The following ECM2 variants were observed in gnomAD, a reference collection of about 807,000 sequenced individuals.
ECM2 encodes extracellular matrix protein 2, female organ and adipocyte specific.
A neutral mutation model predicts 67.5 loss-of-function variants in ECM2; 57 were observed. That is an observed-to-expected ratio of 0.84 (90% confidence interval 0.68 to 1.05). The LOEUF is 1.05. ECM2 is among the 50% of genes least tolerant of loss of function. ECM2 has a pLI of 0.00. For missense variants in ECM2, 741 were observed against 822.8 expected (o/e 0.90, Z 1.22); for synonymous variants, 258 against 294.5 (o/e 0.88, Z 1.27).
the ECM2 span, among the ~76,000 whole-genome samples, chr9:92,552,162 ATATATGTGATATGATAGAT>A: frequency 5.6e-3 from 771 of 138,304 alleles, 6 homozygotes; most frequent in South Asian, 0.018. Flanking sequence ...GATCTATCAT[ATATATGTGATATGATAGAT>A]CTATCATATA....
chr9:92,523,427 A>T (rs1014673661), intron 1 of ECM2, among the ~76,000 whole-genome samples: 2 of 152,106 alleles, frequency 1.3e-5, no homozygotes, highest in Non-Finnish European at 2.9e-5. Flanking sequence ...CCTCAACACC[A>T]CCCATAGGGT....
chr9:92,501,496 C>T (rs1846675307), intron 8 of ECM2, among the ~76,000 whole-genome samples: 1 of 152,184 alleles, frequency 6.6e-6, no homozygotes, highest in Non-Finnish European at 1.5e-5. Context: ...CCTTCCCCTA[C>T]ATTTTCATTC....
upstream of ECM2, chr9:92,538,919 T>TTA (rs1849251686): frequency 6.6e-6 from 1 of 152,164 alleles, no homozygotes; most frequent in African/African-American, 2.4e-5. Flanking sequence ...TTTTTCCTGA[T>TTA]TGTCTAGAGT....
the ECM2 span, among the ~76,000 whole-genome samples, chr9:92,547,586 C>T: frequency 3.9e-5 from 6 of 152,194 alleles, no homozygotes; most frequent in Non-Finnish European, 8.8e-5. Context: ...TGAATGATTT[C>T]ATTCGTATGA....
At chr9:92,558,290 G>C in the ECM2 span, among the ~76,000 whole-genome samples, 3 of 152,162 alleles carry the variant, frequency 2.0e-5, no homozygotes, top group Admixed American at 1.3e-4. Flanking sequence ...GGAAGGTCTA[G>C]GGCTGAAGGC....
chr9:92,536,287 T>A (rs1223695483), upstream of ECM2, among the ~76,000 whole-genome samples: 1 of 152,102 alleles, frequency 6.6e-6, no homozygotes, highest in Non-Finnish European at 1.5e-5. Context: ...GATTAAGAAA[T>A]CTGTGGTTTT....
intron 1 of ECM2, among the ~76,000 whole-genome samples, chr9:92,523,411 G>A (rs1443434430): frequency 6.6e-6 from 1 of 152,136 alleles, no homozygotes; most frequent in African/African-American, 2.4e-5. Context: ...ATATGTTGGG[G>A]ACCAGCCTCA....
rs139951554 is a variant in ECM2, at chr9:92,517,688, A to G, written c.480T>C (p.Thr160=). Residue 160 remains threonine (T), a splice_region_variant and synonymous_variant, in exon 3 of 10, where the codon ACT becomes ACC. Coordinates refer to ENST00000344604, the MANE Select transcript of ECM2 (RefSeq NM_001393.4). ...EGECCPVCSA[T]VSYSLLSGIA... ...TTTTGCTTAGCTAAATCTCTGTACC[A>G]GTAGCGGAGCAGACCGGGCAGCATT... 2,969 of 1,614,176 alleles carry G rather than the reference A, an allele frequency of 1.8e-3. 73 individuals carry two copies. In the South Asian group the frequency reaches 0.03, roughly 16 times the overall value.
chr9:92,524,780 A>G (rs1314201415), intron 1 of ECM2, among the ~76,000 whole-genome samples: 1 of 152,170 alleles, frequency 6.6e-6, no homozygotes, highest in African/African-American at 2.4e-5. Context: ...GTATTTGGTG[A>G]TTCTAGAAGG....
At position 92,522,816 on chromosome 9, in the gene ECM2, A is replaced by C; in HGVS notation, c.51T>G (p.Thr17=). 6.2e-7 allele frequency: 1 copy of C among 1,611,936 alleles called. No homozygotes were observed. The highest frequency in any genetic ancestry group is 8.5e-7 in the Non-Finnish European group (1 of 1,179,616). Reference sequence around the variant, plus strand: ...GAATTTCTTCATTTTTTCCAAAGTCAGTTTGAAAAATGATAAGCAGAAAAA... The same window carrying C: ...GAATTTCTTCATTTTTTCCAAAGTCCGTTTGAAAAATGATAAGCAGAAAAA... ...FCFFLLIIFQ[T]DFGKNEEIPR... is the part of the protein sequence containing the mutation. The change falls in exon 2 of 10, where the codon ACT becomes ACG. Residue 17 remains threonine, a synonymous_variant. Coordinates refer to ENST00000344604, the MANE Select transcript of ECM2 (RefSeq NM_001393.4).
upstream of ECM2, chr9:92,536,206 C>A: frequency 2.8e-6 from 1 of 356,880 alleles, no homozygotes; most frequent in Non-Finnish European, 5.3e-6. Flanking sequence ...TAGAAAACAG[C>A]AGTGGGTGTG....
chr9:92,528,650 G>A (rs1848562978), intron 1 of ECM2, among the ~76,000 whole-genome samples: 1 of 152,184 alleles, frequency 6.6e-6, no homozygotes, highest in African/African-American at 2.4e-5. Flanking sequence ...AATTCACAGG[G>A]CATCTGGTAG....
At chr9:92,532,039 T>TTTTTTTTTTTTTTTTTTTTTTTA (rs1848826400) in intron 1 of ECM2, among the ~76,000 whole-genome samples, 1 of 141,098 alleles carries the variant, frequency 7.1e-6, no homozygotes, top group African/African-American at 2.8e-5. Context: ...ATTTTATTTT[T>TTTTTTTTTTTTTTTTTTTTTTTA]TTTTTGAGAT....
chr9:92,533,328 A>AATATATATATATATAT (rs202147064), intron 1 of ECM2, among the ~76,000 whole-genome samples: 15 of 38,326 alleles, frequency 3.9e-4, no homozygotes, highest in African/African-American at 5.9e-4. Flanking sequence ...AAAAAAAAAA[A>AATATATATATATATAT]ATATATATAT....
the ECM2 span, among the ~76,000 whole-genome samples, chr9:92,550,880 C>G: frequency 2.6e-5 from 4 of 152,116 alleles, no homozygotes; most frequent in African/African-American, 7.2e-5. Context: ...ACACAGCCCG[C>G]CACACTTTTC....
chr9:92,540,435 C>CAA (rs35325216), upstream of ECM2, among the ~76,000 whole-genome samples: 233 of 117,664 alleles, frequency 2.0e-3, 1 homozygote, highest in Middle Eastern at 4.4e-3. Flanking sequence ...GAGACTGTCT[C>CAA]AAAAAAAAAA....
At chr9:92,511,961 G>A in intron 5 of ECM2, 50 bp downstream of exon 5, 1 of 1,396,496 alleles carries the variant, frequency 7.2e-7, no homozygotes, top group South Asian at 1.3e-5. Context: ...ACCAATGCAA[G>A]TCATAGTGAA....
At chr9:92,531,286 A>C (rs1848733065) in intron 1 of ECM2, among the ~76,000 whole-genome samples, 3 of 151,980 alleles carry the variant, frequency 2.0e-5, no homozygotes, top group Admixed American at 1.3e-4. Flanking sequence ...TTCTTTGTAG[A>C]GATTACCACA....
chr9:92,508,717 T>C (rs1205882327), intron 6 of ECM2, among the ~76,000 whole-genome samples: 2 of 152,272 alleles, frequency 1.3e-5, no homozygotes, highest in East Asian at 3.9e-4. Flanking sequence ...CCATAACTAA[T>C]CCTCAGATTT....
Sources: gnomAD v4.1 joint callset for allele counts (sites outside exome capture counted in the v4.1 genomes callset) on GRCh38, gnomAD v4.1.1 for gene constraint, MANE v1.5 for transcripts, NCBI Gene and HGNC (gene_info 2026-07-23, HGNC 2026-07-21) for gene names.